Variants in DNAJC2 observed in about 807,000 individuals in gnomAD.
The protein encoded by DNAJC2 is dnaJ homolog subfamily C member 2.
Under a neutral mutation model 94.0 loss-of-function variants are expected in DNAJC2, and 32 were observed. The ratio of observed to expected loss-of-function variants is 0.34; its 90% CI spans 0.26 to 0.46. The LOEUF (loss-of-function observed/expected upper bound fraction) is 0.46, where lower values mean the gene tolerates loss of function less well. Ranked by LOEUF, DNAJC2 falls within the 20% of genes least tolerant of loss-of-function variation. DNAJC2 has a pLI of 1.00. For synonymous variants in DNAJC2, 210 were observed against 229.7 expected, an observed-to-expected ratio of 0.91 and a Z score of 0.77; for missense variants, 550 against 719.5, an observed-to-expected ratio of 0.76 and a Z score of 2.69.
rs201791551 is a variant in DNAJC2 at position 103,319,771 on chromosome 7, C to T, written c.1157G>A (p.Arg386Gln). The T allele has an allele frequency of 5.0e-5, 81 of 1,614,126 alleles. No individual in the cohort carries two copies. The highest frequency in any genetic ancestry group is 5.8e-5 in the Non-Finnish European group (69 of 1,180,022). ...MMEEVEKLCDRLELASLQCLN... is the reference protein window; with the variant it reads ...MMEEVEKLCDQLELASLQCLN... ...ATAGGTATACCTTGCCAGTTCAAGC[C>T]GATCACAAAGTTTTTCCACTTCTTC... The change falls in exon 11 of 17, where the codon CGG becomes CAG. Residue 386 changes from arginine (R) to glutamine (Q), a missense_variant. By Grantham distance (43) the Arg-to-Gln change is conservative. Transcript: ENST00000379263.
intron 5 of DNAJC2, among the ~76,000 whole-genome samples, chr7:103,326,179 T>A (rs985051604): frequency 7.2e-5 from 11 of 152,122 alleles, no homozygotes; most frequent in African/African-American, 2.7e-4. Context: ...GGTTTCACCA[T>A]GTTGGCCAGG....
intron 6 of DNAJC2, 146 bp downstream of exon 6, chr7:103,324,336 A>T: frequency 1.7e-6 from 1 of 584,452 alleles, no homozygotes; most frequent in Non-Finnish European, 2.6e-6. Flanking sequence ...TTAAAAGTGT[A>T]AATATCACAT....
intron 4 of DNAJC2, 57 bp downstream of exon 4, chr7:103,327,599 G>T: frequency 8.6e-7 from 1 of 1,159,758 alleles, no homozygotes; most frequent in Non-Finnish European, 1.3e-6. Context: ...CCCAATCCCA[G>T]CAATTAATAA....
rs538109259 is a variant in DNAJC2, at chr7:103,316,970, A to G, written c.1287T>C (p.Ala429=). 6.2e-7 allele frequency: 1 copy of G among 1,613,852 alleles called. No individual in the cohort carries two copies. Among genetic ancestry groups the G allele is most frequent in the Admixed American group, 1.7e-5 (1 of 59,988 alleles). The change falls in exon 13 of 17, where the codon GCT becomes GCC. Residue 429 remains alanine, a synonymous_variant. Transcript: ENST00000379263. The stretch of plus-strand genomic sequence containing the variant: ...TAGATGCTTGTCGCATACGAGCCTC[A>G]GCTTCCTCTTTCTCTTTTCTGATTT... The part of the protein sequence containing the change: ...NEQIRKEKEE[A]EARMRQASKN...
At chr7:103,334,648 A>G (rs932989431) in intron 3 of DNAJC2, among the ~76,000 whole-genome samples, 17 of 151,474 alleles carry the variant, frequency 1.1e-4, no homozygotes, top group South Asian at 4.2e-4. Flanking sequence ...AGGTCTTGCT[A>G]TGTTGTCCAG....
chr7:103,322,716 T>C lies in DNAJC2; in HGVS notation c.798A>G (p.Ile266Met). Reference protein sequence around the residue: ...AQRKKEEMNRIRTLVDNAYSC... With the variant: ...AQRKKEEMNRMRTLVDNAYSC... ...AATTCTACTTACCAACTAATGTTCT[T>C]ATTCTGTTCATTTCTTCTTTTTTTC... The change falls in exon 8 of 17, where the codon ATA becomes ATG. Residue 266 changes from isoleucine (I) to methionine (M), a missense_variant. Around this residue, in one of 2 missense-constraint regions of DNAJC2, gnomAD observed 279 missense variants for 416.9 expected, o/e 0.67. Coordinates refer to ENST00000379263, the MANE Select transcript of DNAJC2 (RefSeq NM_014377.3). 1 of 1,612,482 alleles carries C rather than the reference T, an allele frequency of 6.2e-7. No homozygotes were observed. The highest frequency in any genetic ancestry group is 8.5e-7 in the Non-Finnish European group (1 of 1,179,784).
intron 9 of DNAJC2, 139 bp from the exon 10 acceptor site, chr7:103,322,220 C>G: frequency 4.6e-6 from 3 of 647,488 alleles, no homozygotes; most frequent in Non-Finnish European, 7.1e-6. Context: ...GAAGGATGAA[C>G]TCGGAAAGAC....
chr7:103,332,066 G>A (rs1482668468), intron 3 of DNAJC2, among the ~76,000 whole-genome samples: 4 of 150,490 alleles, frequency 2.7e-5, no homozygotes, highest in South Asian at 4.2e-4. Flanking sequence ...GTGCAGTGGT[G>A]CAGTCTTGGC....
At chr7:103,326,439 A>G (rs1394042915) in intron 5 of DNAJC2, 104 bp downstream of exon 5, 2 of 1,166,674 alleles carry the variant, frequency 1.7e-6, no homozygotes, top group Non-Finnish European at 2.5e-6. Flanking sequence ...CAGTGGAAAT[A>G]ATCTATAAAT....
intron 9 of DNAJC2, 147 bp from the exon 10 acceptor site, chr7:103,322,228 GAC>G: frequency 1.6e-6 from 1 of 641,562 alleles, no homozygotes; most frequent in African/African-American, 1.9e-5. Context: ...AACTCGGAAA[GAC>G]AGCTGGTAAA....
In DNAJC2 at chr7:103,313,106, T is replaced by G; in HGVS notation, c.1637-5A>C. The G allele has an allele frequency of 6.3e-7, 1 of 1,593,872 alleles. No homozygotes were observed. Among genetic ancestry groups the G allele is most frequent in the Non-Finnish European group, 8.5e-7 (1 of 1,174,058 alleles). ...GGGTGAAGTCTGTATATGGACCTGA[T>G]TAAGAAAAATTTTTATTTGAAAACT... On this transcript the variant is annotated splice_polypyrimidine_tract_variant and splice_region_variant and intron_variant, in intron 15 of 16. Transcript: ENST00000379263.
chr7:103,326,210 TC>T (rs1371003057), intron 5 of DNAJC2, among the ~76,000 whole-genome samples: 1 of 152,148 alleles, frequency 6.6e-6, no homozygotes, highest in East Asian at 1.9e-4. Context: ...ACTCCTGACC[TC>T]AGGTGATCCG....
intron 12 of DNAJC2, among the ~76,000 whole-genome samples, chr7:103,319,210 G>C (rs1012504591): frequency 3.9e-5 from 6 of 152,042 alleles, no homozygotes; most frequent in Non-Finnish European, 8.8e-5. Context: ...AAGCCTACAT[G>C]GGCAGATCAT....
At chr7:103,343,144 C>T (rs1446661313) in intron 1 of DNAJC2, among the ~76,000 whole-genome samples, 1 of 152,008 alleles carries the variant, frequency 6.6e-6, no homozygotes, top group East Asian at 1.9e-4. Context: ...GGATTATAGG[C>T]GCCCGCCACC....
At chr7:103,326,507 CAG>C in intron 5 of DNAJC2, 34 bp downstream of exon 5, 1 of 1,609,478 alleles carries the variant, frequency 6.2e-7, no homozygotes. Flanking sequence ...AACAAGCCAA[CAG>C]GGCACTATGA....
Position 103,344,640 on chromosome 7 carries a change from C to G in DNAJC2, c.-18G>C, listed in dbSNP as rs758230109. Reference sequence around the variant, plus strand: ...AGCAGCATGATGGCGCCGGGTCTAGCCCGGTGGGCGCAGCGGCTCACGTCC... The same window carrying G: ...AGCAGCATGATGGCGCCGGGTCTAGGCCGGTGGGCGCAGCGGCTCACGTCC... On this transcript the variant is annotated 5_prime_UTR_variant, in exon 1 of 17. Coordinates refer to ENST00000379263, the MANE Select transcript of DNAJC2 (RefSeq NM_014377.3). 1 of 1,606,248 alleles carries G rather than the reference C, an allele frequency of 6.2e-7. No individual in the cohort carries two copies. Among genetic ancestry groups the G allele is most frequent in the East Asian group, 2.2e-5 (1 of 44,852 alleles).
At chr7:103,342,847 A>T (rs1240744483) in intron 1 of DNAJC2, among the ~76,000 whole-genome samples, 1 of 151,730 alleles carries the variant, frequency 6.6e-6, no homozygotes, top group Non-Finnish European at 1.5e-5. Context: ...TGACCTCGTG[A>T]TCCACCCACC....
At chr7:103,332,973 G>C (rs1292698949) in intron 3 of DNAJC2, among the ~76,000 whole-genome samples, 2 of 152,210 alleles carry the variant, frequency 1.3e-5, no homozygotes, top group East Asian at 3.9e-4. Flanking sequence ...AAATGCTTGG[G>C]ACCAAAAGTG....
chr7:103,337,642 G>C, intron 3 of DNAJC2, 94 bp downstream of exon 3: 2 of 999,324 alleles, frequency 2.0e-6, no homozygotes, highest in Non-Finnish European at 3.0e-6. Flanking sequence ...TGTAGTTATG[G>C]CTGCAGACTA....
Sources: gnomAD v4.1 joint callset for allele counts (sites outside exome capture counted in the v4.1 genomes callset) on GRCh38, gnomAD v4.1.1 for gene constraint, gnomAD v4.1.1 regional missense constraint, MANE v1.5 for transcripts, NCBI Gene and HGNC (gene_info 2026-07-23, HGNC 2026-07-21) for gene names.